Variants in RELN observed in about 807,000 individuals in gnomAD.
The protein encoded by RELN is reelin.
Under a neutral mutation model 427.6 loss-of-function variants are expected in RELN, and 108 were observed. The ratio of observed to expected loss-of-function variants is 0.25; its 90% CI spans 0.22 to 0.30. The LOEUF (loss-of-function observed/expected upper bound fraction) is 0.30. Ranked by LOEUF, RELN falls within the 10% of genes least tolerant of loss-of-function variation. The pLI is 1.00. For missense variants in RELN, 3,715 were observed against 4,302.8 expected, an observed-to-expected ratio of 0.86 and a Z score of 3.82; for synonymous variants, 1,524 against 1,513.4, an observed-to-expected ratio of 1.01 and a Z score of -0.16.
intron 4 of RELN, among the ~76,000 whole-genome samples, chr7:103,771,628 T>C (rs1265492311): frequency 6.6e-6 from 1 of 152,186 alleles, no homozygotes; most frequent in African/African-American, 2.4e-5. Context: ...TCTTTATTTC[T>C]TCTCTGTTCC....
At position 103,574,493 on chromosome 7, in the gene RELN, T is replaced by A. The variant is rs362813; in HGVS notation, c.4304-194A>T. 2.6e-5 allele frequency among the ~76,000 whole-genome samples: 4 copies of A among 152,100 alleles called. No homozygotes were observed. In the South Asian group the frequency reaches 6.2e-4, roughly 24 times the overall value. ...CCATCATCAAAAACACTATTCTGCC[T>A]CTGTAAATTTTTATTTTTTAATAGA... On this transcript the variant is annotated intron_variant, in intron 29 of 64. Transcript: ENST00000428762.
Position 103,630,852 on chromosome 7 carries a change from TTTTTTTTG to T in RELN, c.2466-684_2466-677del, listed in dbSNP as rs1214907279. ...CTGAAAGGGCTGAGTTATTTTTTTG[TTTTTTTTG>T]TTTTTTTTTTTTTTGTTTTTTAACT... is the stretch of plus-strand genomic sequence containing the variant. On this transcript the variant is annotated intron_variant, in intron 19 of 64. Transcript: ENST00000428762. Among the ~76,000 whole-genome samples the T allele has an allele frequency of 2.9e-3, 52 of 17,888 alleles. 1 individual carries two copies. The highest frequency in any genetic ancestry group is 0.026 in the African/African-American group (50 of 1,918). 11.7% of individuals were successfully genotyped at this position (17,888 alleles called of 152,430 possible). A position where few individuals can be genotyped will look rare whatever the true frequency, so the allele number is the denominator to read the frequency against.
In RELN at chr7:103,836,215, C is replaced by G. The variant is rs1035739542; in HGVS notation, c.338-2543G>C. ...CCACAAGTGATCCACCCACCTTGGC[C>G]TCCCAAAATGCCAGGTTTACAGGCG... On this transcript the variant is annotated intron_variant, in intron 2 of 64. Coordinates refer to ENST00000428762, the MANE Select transcript of RELN (RefSeq NM_005045.4). 5.6e-4 allele frequency among the ~76,000 whole-genome samples: 85 copies of G among 152,152 alleles called. 3 individuals are homozygous for G. The highest frequency in any genetic ancestry group is 5.5e-3 in the Admixed American group (84 of 15,272).
intron 41 of RELN, 147 bp from the exon 42 acceptor site, chr7:103,545,491 C>T: frequency 1.5e-6 from 1 of 687,092 alleles, no homozygotes; most frequent in South Asian, 1.6e-5. Flanking sequence ...AGGAACAAAA[C>T]TCCATTCCTC....
intron 4 of RELN, among the ~76,000 whole-genome samples, chr7:103,761,660 T>TGCC (rs1156480517): frequency 1.3e-5 from 2 of 151,870 alleles, no homozygotes; most frequent in Non-Finnish European, 2.9e-5. Flanking sequence ...CTTACCACAT[T>TGCC]GCCCAGGCTG....
intron 11 of RELN, among the ~76,000 whole-genome samples, chr7:103,665,562 T>A (rs969406472): frequency 6.6e-6 from 1 of 152,148 alleles, no homozygotes; most frequent in Non-Finnish European, 1.5e-5. Context: ...AAGAATCCGA[T>A]GTCTCTTTAG....
chr7:103,778,384 C>T (rs1275862408), intron 3 of RELN, among the ~76,000 whole-genome samples: 1 of 152,168 alleles, frequency 6.6e-6, no homozygotes, highest in Non-Finnish European at 1.5e-5. Context: ...TCACTAACCA[C>T]CAAGAAAAGT....
intron 1 of RELN, among the ~76,000 whole-genome samples, chr7:103,930,281 A>G (rs1795832113): frequency 6.6e-6 from 1 of 152,118 alleles, no homozygotes; most frequent in African/African-American, 2.4e-5. Flanking sequence ...TCTTCTTATA[A>G]TGACATCAGT....
rs1052118799 is a variant in RELN at position 103,497,750 on chromosome 7, A to G, written c.8950+70T>C. On this transcript the variant is annotated intron_variant, in intron 55 of 64. Coordinates refer to ENST00000428762, the MANE Select transcript of RELN (RefSeq NM_005045.4). ...GTGAAGTCAGCAAAGCTTTGCAGAG[A>G]CTTTTCTGAGGGTGTTGGATGGAAT... 4 of 1,244,144 alleles carry G rather than the reference A, an allele frequency of 3.2e-6. No homozygotes were observed. The African/African-American group carries it at 5.9e-5, about 18-fold the overall frequency. 77.1% of individuals were successfully genotyped at this position (1,244,144 alleles called of 1,614,324 possible). A position where few individuals can be genotyped will look rare whatever the true frequency, so the allele number is the denominator to read the frequency against.
chr7:103,556,616 A>G (rs1421150061), intron 38 of RELN, among the ~76,000 whole-genome samples: 1 of 152,096 alleles, frequency 6.6e-6, no homozygotes, highest in East Asian at 1.9e-4. Flanking sequence ...TTCTTGTGGC[A>G]GTGAATAAGT....
intron 4 of RELN, among the ~76,000 whole-genome samples, chr7:103,773,333 C>A (rs1791643772): frequency 1.2e-5 from 1 of 80,360 alleles, no homozygotes; most frequent in Non-Finnish European, 2.3e-5. Flanking sequence ...CTCTCTCTCT[C>A]CCTCGCTTCC....
intron 3 of RELN, among the ~76,000 whole-genome samples, chr7:103,828,893 T>C (rs1793208474): frequency 1.3e-5 from 2 of 151,928 alleles, no homozygotes. Flanking sequence ...TCTTATTTAA[T>C]TTTCGTTGTA....
intron 3 of RELN, among the ~76,000 whole-genome samples, chr7:103,780,765 G>A (rs1398416616): frequency 1.3e-5 from 2 of 152,114 alleles, no homozygotes; most frequent in African/African-American, 4.8e-5. Flanking sequence ...GTATTCCATG[G>A]TATATATGTA....
chr7:103,858,301 G>T (rs570945177), intron 2 of RELN, among the ~76,000 whole-genome samples: 1 of 152,300 alleles, frequency 6.6e-6, no homozygotes, highest in South Asian at 2.1e-4. Context: ...CACTGGGAGG[G>T]TTAAATAAGT....
At chr7:103,798,649 C>A (rs1792369274) in intron 3 of RELN, among the ~76,000 whole-genome samples, 1 of 152,156 alleles carries the variant, frequency 6.6e-6, no homozygotes. Flanking sequence ...GCCAGGCAGA[C>A]CCAGGACCCC....
At chr7:103,560,613 C>T (rs867174104) in intron 36 of RELN, among the ~76,000 whole-genome samples, 50 of 152,130 alleles carry the variant, frequency 3.3e-4, no homozygotes, top group African/African-American at 1.1e-3. Flanking sequence ...TGAGAACTAA[C>T]ATCTTAGATA....
intron 49 of RELN, among the ~76,000 whole-genome samples, chr7:103,517,352 G>C (rs1829592510): frequency 6.6e-6 from 1 of 152,042 alleles, no homozygotes; most frequent in African/African-American, 2.4e-5. Context: ...TTCTAAATTA[G>C]TTTTTATTTT....
chr7:103,890,784 T>C (rs183896988), intron 2 of RELN, among the ~76,000 whole-genome samples: 62 of 152,208 alleles, frequency 4.1e-4, no homozygotes, highest in Admixed American at 2.4e-3. Context: ...CAATTGAAAG[T>C]GGAATTCCAT....
intron 4 of RELN, among the ~76,000 whole-genome samples, chr7:103,775,038 A>G (rs541356028): frequency 1.2e-4 from 18 of 152,266 alleles, no homozygotes; most frequent in African/African-American, 4.1e-4. Context: ...TAATTCAGTT[A>G]TAATAGAAAA....
Sources: allele counts gnomAD v4.1 joint callset (sites outside exome capture counted in the v4.1 genomes callset), GRCh38; gene constraint gnomAD v4.1.1; transcripts MANE v1.5; gene names NCBI Gene and HGNC (gene_info 2026-07-23, HGNC 2026-07-21).